Variants in PTPRD observed in about 807,000 individuals in gnomAD.
The protein encoded by PTPRD is protein tyrosine phosphatase receptor type D, also known as receptor-type tyrosine-protein phosphatase delta.
A neutral mutation model predicts 214.5 loss-of-function variants in PTPRD; 34 were observed. That is an observed-to-expected ratio of 0.16 (90% CI 0.12 to 0.21). The LOEUF (loss-of-function observed/expected upper bound fraction) is 0.21. PTPRD is among the 10% of genes least tolerant of loss of function. PTPRD has a pLI of 1.00. For missense variants in PTPRD, 2,545 were observed against 2,398.7 expected, an observed-to-expected ratio of 1.06 and a Z score of -1.27; for synonymous variants, 1,128 against 845.7, an observed-to-expected ratio of 1.33 and a Z score of -5.79.
At chr9:8,782,989 T>C (rs989584891) in intron 11 of PTPRD, among the ~76,000 whole-genome samples, 3 of 152,272 alleles carry the variant, frequency 2.0e-5, no homozygotes, top group Non-Finnish European at 4.4e-5. Context: ...ATAGGTTTCT[T>C]CTCTACCCTT....
At chr9:9,962,720 C>T (rs1031569923) in intron 4 of PTPRD, among the ~76,000 whole-genome samples, 2 of 152,052 alleles carry the variant, frequency 1.3e-5, no homozygotes, top group Non-Finnish European at 2.9e-5. Flanking sequence ...CTTATCACCT[C>T]ATATGAAGCT....
intron 10 of PTPRD, among the ~76,000 whole-genome samples, chr9:9,110,462 A>G (rs2099804479): frequency 6.6e-6 from 1 of 152,128 alleles, no homozygotes; most frequent in South Asian, 2.1e-4. Context: ...ATTGTTACAG[A>G]GTATATCACA....
intron 14 of PTPRD, among the ~76,000 whole-genome samples, chr9:8,534,581 G>C (rs1473056940): frequency 6.6e-6 from 1 of 151,290 alleles, no homozygotes; most frequent in African/African-American, 2.4e-5. Context: ...CAAGAAAAAT[G>C]ATAGACGAGT....
chr9:8,350,755 T>A (rs993253694), intron 39 of PTPRD, among the ~76,000 whole-genome samples: 2 of 150,314 alleles, frequency 1.3e-5, no homozygotes, highest in Admixed American at 6.6e-5. Flanking sequence ...AATATTCAGC[T>A]GTCTAACTTT....
At chr9:8,748,038 C>T (rs982450652) in intron 11 of PTPRD, among the ~76,000 whole-genome samples, 6 of 152,152 alleles carry the variant, frequency 3.9e-5, no homozygotes, top group African/African-American at 1.4e-4. Context: ...GACCGGCCTG[C>T]TAGCCCATGC....
chr9:8,890,743 A>G (rs1477964034), intron 11 of PTPRD, among the ~76,000 whole-genome samples: 1 of 152,212 alleles, frequency 6.6e-6, no homozygotes, highest in Admixed American at 6.5e-5. Context: ...CAGATAATCT[A>G]TCTGCTATTT....
intron 9 of PTPRD, among the ~76,000 whole-genome samples, chr9:9,350,333 T>G (rs1490099223): frequency 6.6e-6 from 1 of 152,062 alleles, no homozygotes; most frequent in African/African-American, 2.4e-5. Context: ...GTGATATGGA[T>G]TTCTGCATAC....
intron 11 of PTPRD, among the ~76,000 whole-genome samples, chr9:9,006,581 T>G (rs761714693): frequency 1.3e-5 from 2 of 152,066 alleles, no homozygotes; most frequent in Non-Finnish European, 2.9e-5. Context: ...CCATATTTAT[T>G]CACATAACCT....
intron 11 of PTPRD, among the ~76,000 whole-genome samples, chr9:8,966,527 T>C (rs1017581966): frequency 1.3e-5 from 2 of 152,012 alleles, no homozygotes; most frequent in African/African-American, 2.4e-5. Context: ...CCTTCTTTAA[T>C]AAATGGTATT....
chr9:10,482,137 C>CGAGG (rs1566393272), intron 2 of PTPRD, among the ~76,000 whole-genome samples: 2 of 151,960 alleles, frequency 1.3e-5, no homozygotes, highest in Admixed American at 6.6e-5. Flanking sequence ...TTTGGGAGGC[C>CGAGG]CAGGCGGGAG....
intron 11 of PTPRD, among the ~76,000 whole-genome samples, chr9:8,820,980 C>A (rs1267778186): frequency 2.0e-5 from 3 of 152,124 alleles, no homozygotes; most frequent in African/African-American, 7.2e-5. Flanking sequence ...TTAGAGTGCC[C>A]AGTTCAGCAT....
chr9:8,920,051 A>T (rs79266334), intron 11 of PTPRD, among the ~76,000 whole-genome samples: 7,595 of 152,132 alleles, frequency 0.05, 635 homozygotes, highest in African/African-American at 0.17. Flanking sequence ...TATATATTTT[A>T]AAAATGAGGC....
chr9:8,845,741 A>C (rs899712784), intron 11 of PTPRD, among the ~76,000 whole-genome samples: 3 of 152,248 alleles, frequency 2.0e-5, no homozygotes, highest in Non-Finnish European at 2.9e-5. Context: ...CCCCAAAAAA[A>C]GTGTGTGCTT....
chr9:9,510,026 C>A (rs1397479330), intron 8 of PTPRD, among the ~76,000 whole-genome samples: 1 of 151,550 alleles, frequency 6.6e-6, no homozygotes, highest in Non-Finnish European at 1.5e-5. Context: ...GTCTTTCCTG[C>A]TCAGTGACAA....
At chr9:9,522,831 T>G (rs1019627671) in intron 8 of PTPRD, among the ~76,000 whole-genome samples, 1 of 152,154 alleles carries the variant, frequency 6.6e-6, no homozygotes, top group Non-Finnish European at 1.5e-5. Flanking sequence ...AAAGGAATTA[T>G]GAATTGAGGG....
In PTPRD at chr9:9,760,525, T is replaced by C. The variant is rs372325960; in HGVS notation, c.-326+6285A>G. ...ATTGCTTCTCAGGACTTCGGACTTA[T>C]ATGTACAGCCTCCTGATTGTCTGTC... On this transcript the variant is annotated intron_variant, in intron 6 of 45. Transcript: ENST00000381196. Among the ~76,000 whole-genome samples, 33 of 151,844 alleles carry C rather than the reference T, an allele frequency of 2.2e-4. No homozygotes were observed. The East Asian group carries it at 5.6e-3, about 26-fold the overall frequency.
chr9:8,703,310 A>G (rs896502093), intron 12 of PTPRD, among the ~76,000 whole-genome samples: 2 of 152,194 alleles, frequency 1.3e-5, no homozygotes, highest in East Asian at 3.9e-4. Flanking sequence ...ATTACATAAA[A>G]AATATTCTGC....
At chr9:8,398,346 G>A (rs2091682899) in intron 36 of PTPRD, among the ~76,000 whole-genome samples, 1 of 152,134 alleles carries the variant, frequency 6.6e-6, no homozygotes, top group Non-Finnish European at 1.5e-5. Flanking sequence ...CTCTGCAGAA[G>A]CAAGCAGAGC....
chr9:8,723,397 G>C (rs2098523177), intron 12 of PTPRD, among the ~76,000 whole-genome samples: 1 of 151,804 alleles, frequency 6.6e-6, no homozygotes, highest in Admixed American at 6.6e-5. Context: ...GCTGTTTTAC[G>C]ATCTTTGCAG....
Sources: allele counts gnomAD v4.1 joint callset (sites outside exome capture counted in the v4.1 genomes callset), GRCh38; gene constraint gnomAD v4.1.1; transcripts MANE v1.5; gene names NCBI Gene and HGNC (gene_info 2026-07-23, HGNC 2026-07-21).